The following WIPI2 variants were observed in gnomAD, a reference collection of about 807,000 sequenced individuals.
WIPI2 encodes WD repeat domain, phosphoinositide interacting 2.
Under a neutral mutation model 52.3 loss-of-function variants are expected in WIPI2, and 28 were observed. That is an observed-to-expected ratio of 0.54 (90% confidence interval 0.40 to 0.73). The LOEUF (loss-of-function observed/expected upper bound fraction) is 0.73, where lower values mean the gene tolerates loss of function less well. WIPI2 is among the 30% of genes least tolerant of loss of function. The pLI, the probability that WIPI2 is intolerant of heterozygous loss-of-function variation, is 0.00. For synonymous variants in WIPI2, 268 were observed against 245.0 expected, an observed-to-expected ratio of 1.09 and a Z score of -0.88; for missense variants, 506 against 602.9, an observed-to-expected ratio of 0.84 and a Z score of 1.68.
chr7:5,201,455 G>A (rs1239637533), intron 3 of WIPI2, among the ~76,000 whole-genome samples: 1 of 152,130 alleles, frequency 6.6e-6, no homozygotes, highest in South Asian at 2.1e-4. Flanking sequence ...CTTTTAGAGT[G>A]GATATTGGCC....
chr7:5,200,070 G>GC (rs1182808223), intron 3 of WIPI2, among the ~76,000 whole-genome samples: 1 of 152,218 alleles, frequency 6.6e-6, no homozygotes, highest in Non-Finnish European at 1.5e-5. Flanking sequence ...CATTGAAGTG[G>GC]CCCGCGTGTC....
intron 3 of WIPI2, among the ~76,000 whole-genome samples, chr7:5,212,063 T>G (rs777130932): frequency 6.6e-6 from 1 of 152,210 alleles, no homozygotes; most frequent in Non-Finnish European, 1.5e-5. Flanking sequence ...CTGTTGTTGT[T>G]GTTTTGATGT....
At chr7:5,217,225 G>A (rs1449521929) in intron 6 of WIPI2, 38 bp downstream of exon 6, 1 of 1,609,832 alleles carries the variant, frequency 6.2e-7, no homozygotes, top group East Asian at 2.2e-5. Flanking sequence ...TCTCTAAAGT[G>A]TGGCTTTTTC....
rs1358885664 is a variant in WIPI2 at position 5,227,374 on chromosome 7, C to T, written c.1013+30C>T. On this transcript the variant is annotated intron_variant, in intron 10 of 12. Transcript: ENST00000288828. This position sits in a 1 kb window ranked among gnomAD's most constrained non-coding sequence, Gnocchi z 8.1. ...GTAGAGCCGGCGCCTCCGTCCCCCA[C>T]CCCGTGTGCCTCAGGCCGAGGGGCC... 3 of 1,606,412 alleles carry T rather than the reference C, an allele frequency of 1.9e-6. No individual in the cohort carries two copies. Among genetic ancestry groups the T allele is most frequent in the East Asian group, 2.2e-5 (1 of 44,826 alleles).
chr7:5,222,408 G>A (rs1244106734), intron 7 of WIPI2, among the ~76,000 whole-genome samples, 194 bp from the exon 8 acceptor site: 1 of 152,200 alleles, frequency 6.6e-6, no homozygotes, highest in African/African-American at 2.4e-5. Flanking sequence ...ACAGGGGAGT[G>A]TTTTTCTATG....
At chr7:5,208,613 G>A (rs184717095) in intron 3 of WIPI2, among the ~76,000 whole-genome samples, 2 of 152,092 alleles carry the variant, frequency 1.3e-5, no homozygotes, top group Non-Finnish European at 2.9e-5. Flanking sequence ...TGTATGTTGT[G>A]AGGTATGAAT....
chr7:5,228,979 A>T (rs931054754), intron 11 of WIPI2, among the ~76,000 whole-genome samples: 3 of 151,926 alleles, frequency 2.0e-5, no homozygotes, highest in Non-Finnish European at 4.4e-5. Flanking sequence ...TGGCCTCCCC[A>T]AGTGTTGGGG....
At chr7:5,210,509 A>G (rs76260706) in intron 3 of WIPI2, among the ~76,000 whole-genome samples, 2,111 of 152,268 alleles carry the variant, frequency 0.014, 31 homozygotes, top group Non-Finnish European at 0.022. Context: ...GGTGCCACAC[A>G]GGGCCCTGGG....
rs1025994612 is a variant in WIPI2, at chr7:5,197,694, T to A, written c.129-1882T>A. On this transcript the variant is annotated intron_variant, in intron 2 of 12. Coordinates refer to ENST00000288828, the MANE Select transcript of WIPI2 (RefSeq NM_015610.4). ...ATACGTGTGAAAGAGTAGTTGGAAA[T>A]CTCAAGTTTTTAATAAATCACATGA... Among the ~76,000 whole-genome samples, 4 of 152,196 alleles carry A rather than the reference T, an allele frequency of 2.6e-5. No homozygotes were observed. The East Asian group carries it at 7.7e-4, about 29-fold the overall frequency.
At chr7:5,224,245 C>A (rs1783305753) in intron 8 of WIPI2, among the ~76,000 whole-genome samples, 1 of 152,228 alleles carries the variant, frequency 6.6e-6, no homozygotes, top group African/African-American at 2.4e-5. Context: ...GATCTGGTGG[C>A]CTGGCCGGCT....
chr7:5,217,391 A>T, intron 6 of WIPI2: 1 of 575,876 alleles, frequency 1.7e-6, no homozygotes, highest in South Asian at 1.9e-5. Context: ...TGCAGCCTCA[A>T]CCTCCTGGGC....
intron 3 of WIPI2, among the ~76,000 whole-genome samples, chr7:5,208,543 A>G (rs755089534): frequency 3.6e-4 from 54 of 151,962 alleles, no homozygotes; most frequent in Non-Finnish European, 6.2e-4. Context: ...TATAGTTAAC[A>G]CTATACATAA....
At chr7:5,191,784 A>C (rs1016111494) in intron 1 of WIPI2, among the ~76,000 whole-genome samples, 1 of 152,200 alleles carries the variant, frequency 6.6e-6, no homozygotes, top group African/African-American at 2.4e-5. Flanking sequence ...TTAGGAAATT[A>C]AAAGTGAATT....
chr7:5,232,083 G>C lies in WIPI2; in HGVS notation c.*1136G>C. 1 of 398,522 alleles carries C rather than the reference G, an allele frequency of 2.5e-6. No individual in the cohort carries two copies. The allele number at this position is 398,522 out of a possible 1,614,324, so 24.7% of individuals were successfully genotyped here. On this transcript the variant is annotated 3_prime_UTR_variant, in exon 13 of 13. Transcript: ENST00000288828. ...AACAACCTCAAGTACCTCAGACTCT[G>C]CATTCCAAACCAAGGCACCCAGCAG... is the stretch of plus-strand genomic sequence containing the variant.
chr7:5,192,428 G>A (rs1206482230), intron 1 of WIPI2, among the ~76,000 whole-genome samples: 2 of 152,176 alleles, frequency 1.3e-5, no homozygotes, highest in Non-Finnish European at 2.9e-5. Context: ...AAATCAAATA[G>A]AGAAAAGCAT....
chr7:5,217,910 TC>T lies in WIPI2; in HGVS notation c.577-9del. 6.2e-7 allele frequency: 1 copy of T among 1,614,018 alleles called. No individual in the cohort carries two copies. The highest frequency in any genetic ancestry group is 8.5e-7 in the Non-Finnish European group (1 of 1,179,948). On this transcript the variant is annotated splice_polypyrimidine_tract_variant and intron_variant, in intron 6 of 12. Transcript: ENST00000288828. ...GTGCGGTGGCCACTCTTTATTGGTG[TC>T]CCTTTTTCAGAGAGCTGCAAACATG...
rs1439911449 is a variant in WIPI2, at chr7:5,230,244, A to G, written c.1252+506A>G. Among the ~76,000 whole-genome samples the G allele has an allele frequency of 6.6e-6, 1 of 152,150 alleles. No homozygotes were observed. The highest frequency in any genetic ancestry group is 1.9e-4 in the East Asian group (1 of 5,184). The stretch of plus-strand genomic sequence containing the variant: ...CTTTTTCGTCCTTCAGCAAATCTGC[A>G]TCGAGTACTGCCTTCATGCTGGGCC... On this transcript the variant is annotated intron_variant, in intron 12 of 12. Transcript: ENST00000288828. The surrounding 1 kb of genome is among the most constrained non-coding windows in gnomAD (Gnocchi z 4.8).
chr7:5,231,064 TAAAAA>T lies in WIPI2; in HGVS notation c.*126_*130del. The stretch of plus-strand genomic sequence containing the variant: ...GGGGAGAGGATGGCAGAGACTTTAT[TAAAAA>T]AAAAAAAAGATTGTAGTGGTAGTCT... On this transcript the variant is annotated 3_prime_UTR_variant, in exon 13 of 13. Transcript: ENST00000288828. 2 of 549,922 alleles carry T rather than the reference TAAAAA, an allele frequency of 3.6e-6. No individual in the cohort carries two copies. Among genetic ancestry groups the T allele is most frequent in the Non-Finnish European group, 5.7e-6 (2 of 350,058 alleles). The allele number at this position is 549,922 out of a possible 1,614,324, so 34.1% of individuals were successfully genotyped here.
intron 3 of WIPI2, chr7:5,213,436 G>A (rs1360256672): frequency 6.6e-6 from 1 of 152,636 alleles, no homozygotes; most frequent in Non-Finnish European, 1.5e-5. Flanking sequence ...TGCGAGGGTG[G>A]TCCTGTGAGA....
Sources: gnomAD v4.1 joint callset for allele counts (sites outside exome capture counted in the v4.1 genomes callset) on GRCh38, gnomAD v4.1.1 for gene constraint, Gnocchi (gnomAD v3.1) non-coding constraint, MANE v1.5 for transcripts, NCBI Gene and HGNC (gene_info 2026-07-23, HGNC 2026-07-21) for gene names.